REL: variants seen among roughly 807,000 people sequenced by gnomAD.
REL encodes proto-oncogene c-Rel.
REL carries 15 observed loss-of-function variants against 45.9 expected under a neutral mutation model. The observed-to-expected ratio is 0.33, with a 90% CI of 0.22 to 0.50. The LOEUF (loss-of-function observed/expected upper bound fraction) is 0.50, where lower values mean the gene tolerates loss of function less well. REL is among the 20% of genes least tolerant of loss of function. The pLI is 0.98. For missense variants in REL, 601 were observed against 715.2 expected (o/e 0.84, Z 1.82); for synonymous variants, 239 against 242.1 (o/e 0.99, Z 0.12).
intron 4 of REL, 83 bp from the exon 5 acceptor site, chr2:60,916,794 C>A: frequency 3.6e-6 from 3 of 841,854 alleles, no homozygotes; most frequent in Non-Finnish European, 5.5e-6. Flanking sequence ...AGGTTATTGG[C>A]TATAATGGGC....
At position 60,927,065 on chromosome 2, in the gene REL, GCCT is replaced by G. The variant is rs1309753153; in HGVS notation, c.*4534_*4536del. On this transcript the variant is annotated 3_prime_UTR_variant, in exon 10 of 10. Transcript: ENST00000394479. ...GGGCTTCTGTATGAAGGTTGGTCCT[GCCT>G]CCTTACTTGAGGTGAAGCTTTGTAC... 5 of 227,948 alleles carry G rather than the reference GCCT, an allele frequency of 2.2e-5. No homozygotes were observed. The Admixed American group carries it at 2.8e-4, about 13-fold the overall frequency. The allele number at this position is 227,948 out of a possible 1,614,324, so 14.1% of individuals were successfully genotyped here. A position where few individuals can be genotyped will look rare whatever the true frequency, so the allele number is the denominator to read the frequency against.
chr2:60,908,672 G>C (rs1412730465), intron 4 of REL, among the ~76,000 whole-genome samples: 1 of 152,124 alleles, frequency 6.6e-6, no homozygotes, highest in Non-Finnish European at 1.5e-5. Context: ...AGGATTTCTA[G>C]TATGCGGCAG....
rs984473476 is a variant in REL, at chr2:60,930,694, A to T, written c.*8159A>T. On this transcript the variant is annotated 3_prime_UTR_variant, in exon 10 of 10. Transcript: ENST00000394479. ...AAACAAAATACAGATCAAAGTTTTC[A>T]AAAGTAATCACTCTATTTATTCTAA... is the stretch of plus-strand genomic sequence containing the variant. The T allele has an allele frequency of 3.3e-5, 5 of 152,358 alleles. No homozygotes were observed. Among genetic ancestry groups the T allele is most frequent in the African/African-American group, 1.2e-4 (5 of 41,472 alleles). 9.4% of individuals were successfully genotyped at this position (152,358 alleles called of 1,614,324 possible).
intron 1 of REL, among the ~76,000 whole-genome samples, 191 bp downstream of exon 1, chr2:60,882,041 T>G (rs187035312): frequency 6.6e-6 from 1 of 152,332 alleles, no homozygotes; most frequent in South Asian, 2.1e-4. Context: ...CAAGCCACGC[T>G]CTGTAATTCG....
Position 60,923,210 on chromosome 2 carries a change from G to A in REL, c.*675G>A, listed in dbSNP as rs1178975821. On this transcript the variant is annotated 3_prime_UTR_variant, in exon 10 of 10. Coordinates refer to ENST00000394479, the MANE Select transcript of REL (RefSeq NM_001291746.2). ...CATGGGCCAAGGTAACCCCTAAGGG[G>A]TTTTCTTAGGCTTCTTGGAGCTTAG... The A allele has an allele frequency of 1.4e-5, 3 of 209,132 alleles. No homozygotes were observed. The highest frequency in any genetic ancestry group is 6.8e-5 in the African/African-American group (3 of 43,938). 13.0% of individuals were successfully genotyped at this position (209,132 alleles called of 1,614,324 possible). A position where few individuals can be genotyped will look rare whatever the true frequency, so the allele number is the denominator to read the frequency against.
intron 4 of REL, among the ~76,000 whole-genome samples, chr2:60,916,368 C>T (rs1428072186): frequency 1.3e-4 from 20 of 152,116 alleles, no homozygotes; most frequent in Admixed American, 2.6e-4. Flanking sequence ...GAACCAAAAT[C>T]GCATCACTGC....
chr2:60,914,457 G>A lies in REL; in HGVS notation c.395-2420G>A, dbSNP rs1673903295. On this transcript the variant is annotated intron_variant, in intron 4 of 9. Transcript: ENST00000394479. Reference sequence around the variant, plus strand: ...TTCTTCCCTGTAGTAGAACTATTATGTGACTAAATGTTTTTGAACTTTGGC... The same window carrying A: ...TTCTTCCCTGTAGTAGAACTATTATATGACTAAATGTTTTTGAACTTTGGC... Among the ~76,000 whole-genome samples, 5 of 152,104 alleles carry A rather than the reference G, an allele frequency of 3.3e-5. No individual in the cohort carries two copies. In the South Asian group the frequency reaches 6.2e-4, roughly 19 times the overall value.
chr2:60,900,619 G>A, intron 3 of REL: 1 of 179,280 alleles, frequency 5.6e-6, no homozygotes, highest in Non-Finnish European at 1.2e-5. Context: ...TGCCTCCCAG[G>A]CTCAAGTGAT....
intron 4 of REL, among the ~76,000 whole-genome samples, chr2:60,908,100 G>A (rs890204822): frequency 6.6e-6 from 1 of 151,792 alleles, no homozygotes; most frequent in East Asian, 1.9e-4. Context: ...CTAATTATAC[G>A]GTATACTCAG....
chr2:60,881,643 G>A lies in REL; in HGVS notation c.-198G>A. On this transcript the variant is annotated 5_prime_UTR_variant, in exon 1 of 10. Transcript: ENST00000394479. ...GTGGACGGCGACGCTGGGTGACCCG[G>A]GGTGCAAGAATTCAGGGGTTGGGAA... is the stretch of plus-strand genomic sequence containing the variant. 2 of 523,484 alleles carry A rather than the reference G, an allele frequency of 3.8e-6. No individual in the cohort carries two copies. The highest frequency in any genetic ancestry group is 6.8e-6 in the Non-Finnish European group (2 of 295,418). The allele number at this position is 523,484 out of a possible 1,614,324, so 32.4% of individuals were successfully genotyped here. A position where few individuals can be genotyped will look rare whatever the true frequency, so the allele number is the denominator to read the frequency against.
chr2:60,926,120 A>G lies in REL; in HGVS notation c.*3585A>G, dbSNP rs532449628. ...ATCTGAGGCACTTTTTCTGAACTCT[A>G]CTTGTGCACTGGATCCCTCCTCCTT... On this transcript the variant is annotated 3_prime_UTR_variant, in exon 10 of 10. Coordinates refer to ENST00000394479, the MANE Select transcript of REL (RefSeq NM_001291746.2). 2 of 231,424 alleles carry G rather than the reference A, an allele frequency of 8.6e-6. No homozygotes were observed. The highest frequency in any genetic ancestry group is 1.8e-4 in the South Asian group (1 of 5,506). 14.3% of individuals were successfully genotyped at this position (231,424 alleles called of 1,614,324 possible).
Position 60,928,360 on chromosome 2 carries a change from C to T in REL, c.*5825C>T, listed in dbSNP as rs1458939138. 2 of 152,022 alleles carry T rather than the reference C, an allele frequency of 1.3e-5. No homozygotes were observed. Among genetic ancestry groups the T allele is most frequent in the East Asian group, 1.9e-4 (1 of 5,174 alleles). The allele number at this position is 152,022 out of a possible 1,614,324, so 9.4% of individuals were successfully genotyped here. On this transcript the variant is annotated 3_prime_UTR_variant, in exon 10 of 10. Coordinates refer to ENST00000394479, the MANE Select transcript of REL (RefSeq NM_001291746.2). ...TATGGAACCAAAAAAGAGCCCATAT[C>T]GCCAAGTCAATCCTAAGCCAAAAGA...
intron 3 of REL, among the ~76,000 whole-genome samples, chr2:60,896,712 T>A (rs1558795314): frequency 6.6e-6 from 1 of 152,208 alleles, no homozygotes; most frequent in Non-Finnish European, 1.5e-5. Flanking sequence ...CACTCCTTAC[T>A]TGAAACATTT....
chr2:60,909,728 C>T (rs965206234), intron 4 of REL, among the ~76,000 whole-genome samples: 1 of 152,118 alleles, frequency 6.6e-6, no homozygotes, highest in Non-Finnish European at 1.5e-5. Flanking sequence ...TAATGAAACC[C>T]TATCTCTACT....
chr2:60,882,108 G>C (rs1490840881), intron 1 of REL, among the ~76,000 whole-genome samples: 1 of 152,178 alleles, frequency 6.6e-6, no homozygotes, highest in Admixed American at 6.5e-5. Flanking sequence ...TTTAGGATTA[G>C]GGAAGTCATA....
At position 60,923,094 on chromosome 2, in the gene REL, G is replaced by T; in HGVS notation, c.*559G>T. On this transcript the variant is annotated 3_prime_UTR_variant, in exon 10 of 10. Coordinates refer to ENST00000394479, the MANE Select transcript of REL (RefSeq NM_001291746.2). ...ACTTTTTTATATTTCTTTTTATAAT[G>T]TTTTAATGTATTCTTAAATTTCAAG... 1 of 175,378 alleles carries T rather than the reference G, an allele frequency of 5.7e-6. No individual in the cohort carries two copies. The highest frequency in any genetic ancestry group is 9.9e-5 in the East Asian group (1 of 10,150). The allele number at this position is 175,378 out of a possible 1,614,324, so 10.9% of individuals were successfully genotyped here.
rs1469634425 is a variant in REL at position 60,927,689 on chromosome 2, C to G, written c.*5154C>G. The G allele has an allele frequency of 8.7e-6, 2 of 229,520 alleles. No homozygotes were observed. Among genetic ancestry groups the G allele is most frequent in the African/African-American group, 4.4e-5 (2 of 45,110 alleles). 14.2% of individuals were successfully genotyped at this position (229,520 alleles called of 1,614,324 possible). A position where few individuals can be genotyped will look rare whatever the true frequency, so the allele number is the denominator to read the frequency against. ...TACAGAGGTGAATAAGACAAAAACT[C>G]TTGCTCTCAAAGATGTCAGTCTTTT... On this transcript the variant is annotated 3_prime_UTR_variant, in exon 10 of 10. Transcript: ENST00000394479.
intron 1 of REL, among the ~76,000 whole-genome samples, chr2:60,887,884 G>A (rs1673108214): frequency 6.6e-6 from 1 of 150,886 alleles, no homozygotes; most frequent in African/African-American, 2.4e-5. Context: ...GAAGTGTCAT[G>A]TAACCAATGA....
rs764487739 is a variant in REL at position 60,916,855 on chromosome 2, A to G, written c.395-22A>G. On this transcript the variant is annotated intron_variant, in intron 4 of 9. Coordinates refer to ENST00000394479, the MANE Select transcript of REL (RefSeq NM_001291746.2). Reference sequence around the variant, plus strand: ...AGGTCTATGTGACTATTACATTTAAAAAATTTTTTTTTTCTATTCAGTCCC... The same window carrying G: ...AGGTCTATGTGACTATTACATTTAAGAAATTTTTTTTTTCTATTCAGTCCC... 5 of 1,595,844 alleles carry G rather than the reference A, an allele frequency of 3.1e-6. No homozygotes were observed. In the African/African-American group the frequency reaches 6.7e-5, roughly 21 times the overall value.
Sources: gnomAD v4.1 joint callset for allele counts (sites outside exome capture counted in the v4.1 genomes callset) on GRCh38, gnomAD v4.1.1 for gene constraint, MANE v1.5 for transcripts, NCBI Gene and HGNC (gene_info 2026-07-23, HGNC 2026-07-21) for gene names.